The following UNC80 variants were observed in gnomAD, a reference collection of about 807,000 sequenced individuals.
UNC80 encodes the protein unc-80 subunit of NALCN channel complex.
A neutral mutation model predicts 384.6 loss-of-function variants in UNC80; 164 were observed. That is an observed-to-expected ratio of 0.43 (90% CI 0.38 to 0.49). The LOEUF (loss-of-function observed/expected upper bound fraction) is 0.49, where lower values mean the gene tolerates loss of function less well. UNC80 is among the 20% of genes least tolerant of loss of function. The pLI is 0.00. For synonymous variants in UNC80, 1,486 were observed against 1,527.8 expected (o/e 0.97, Z 0.64); for missense variants, 3,330 against 4,143.0 (o/e 0.80, Z 5.39).
rs1481246523 is a variant in UNC80 at position 209,937,765 on chromosome 2, A to G, written c.6465+135A>G. 7.7e-6 allele frequency: 5 copies of G among 649,328 alleles called. No individual in the cohort carries two copies. In the Admixed American group the frequency reaches 1.3e-4, roughly 16 times the overall value. 40.2% of individuals were successfully genotyped at this position (649,328 alleles called of 1,614,324 possible). A position where few individuals can be genotyped will look rare whatever the true frequency, so the allele number is the denominator to read the frequency against. ...GGAGACAGTAGTTGGCCCTCACTCA[A>G]CAAATTATTCCCCTAAATAGTGTAA... is the stretch of plus-strand genomic sequence containing the variant. On this transcript the variant is annotated intron_variant, in intron 42 of 64. Transcript: ENST00000673920.
intron 47 of UNC80, among the ~76,000 whole-genome samples, chr2:209,948,937 C>T (rs1161710089): frequency 1.3e-5 from 2 of 152,100 alleles, no homozygotes; most frequent in Non-Finnish European, 2.9e-5. Context: ...AAATGTTCCT[C>T]TCTATTTATA....
At chr2:209,945,243 A>G in intron 46 of UNC80, 54 bp downstream of exon 46, 5 of 1,519,926 alleles carry the variant, frequency 3.3e-6, no homozygotes, top group Non-Finnish European at 4.4e-6. Context: ...TGTTAAATAT[A>G]AATATATGTA....
Position 209,977,090 on chromosome 2 carries a change from T to C in UNC80, c.8938+12T>C, listed in dbSNP as rs1298756225. On this transcript the variant is annotated intron_variant, in intron 58 of 64. Transcript: ENST00000673920. ...TCATAGTGGATCAGGTGAGTGTGCA[T>C]GAGAGTGTTGTGAATTTGTTTGACT... 6.8e-7 allele frequency: 1 copy of C among 1,477,786 alleles called. No homozygotes were observed. Among genetic ancestry groups the C allele is most frequent in the Non-Finnish European group, 9.2e-7 (1 of 1,092,594 alleles). The allele number at this position is 1,477,786 out of a possible 1,614,324, so 91.5% of individuals were successfully genotyped here.
intron 7 of UNC80, among the ~76,000 whole-genome samples, chr2:209,802,662 A>G (rs1451431101): frequency 6.6e-6 from 1 of 151,910 alleles, no homozygotes; most frequent in Admixed American, 6.6e-5. Context: ...GTTTCTGTCT[A>G]TGGTTCTTGC....
Position 209,994,186 on chromosome 2 carries a change from A to G in UNC80, c.9630A>G (p.Pro3210=). The G allele has an allele frequency of 6.4e-7, 1 of 1,551,528 alleles. No individual in the cohort carries two copies. The highest frequency in any genetic ancestry group is 8.7e-7 in the Non-Finnish European group (1 of 1,146,950). ...QGCSPAPSRK[P]EAMDEPVLTS... is the part of the protein sequence containing the mutation. ...GTAGCCCAGCCCCTTCTAGGAAACCAGAAGCAATGGACGAACCAGTCCTCA... is the reference window on the plus strand; with the variant it reads ...GTAGCCCAGCCCCTTCTAGGAAACCGGAAGCAATGGACGAACCAGTCCTCA... Residue 3210 remains proline, a synonymous_variant, in exon 64 of 65, where the codon CCA becomes CCG. Coordinates refer to ENST00000673920, the MANE Select transcript of UNC80 (RefSeq NM_001371986.1).
chr2:209,902,434 C>T (rs2087518698), intron 28 of UNC80, among the ~76,000 whole-genome samples: 1 of 152,100 alleles, frequency 6.6e-6, no homozygotes, highest in South Asian at 2.1e-4. Flanking sequence ...GAGGGTTGAT[C>T]GCAATTTTGA....
rs774227146 is a variant in UNC80, at chr2:209,978,557, C to T, written c.8967C>T (p.Thr2989=). ...SAYQGKTSIS[T]VGTSTSAYRL... is the part of the protein sequence containing the mutation. ...ACCAAGGCAAGACATCCATCAGTAC[C>T]GTGGGCACCTCCACCTCTGCTTACC... The change falls in exon 59 of 65, where the codon ACC becomes ACT. Residue 2989 remains threonine, a synonymous_variant. Transcript: ENST00000673920. The T allele has an allele frequency of 4.4e-5, 68 of 1,550,734 alleles. No individual in the cohort carries two copies. Among genetic ancestry groups the T allele is most frequent in the East Asian group, 2.9e-4 (12 of 40,908 alleles).
chr2:209,909,731 G>T (rs920914083), intron 29 of UNC80, among the ~76,000 whole-genome samples: 1 of 152,084 alleles, frequency 6.6e-6, no homozygotes, highest in African/African-American at 2.4e-5. Flanking sequence ...TCAGGATGCC[G>T]AGAGGAGTCA....
At chr2:209,833,105 C>T (rs1451269825) in intron 16 of UNC80, among the ~76,000 whole-genome samples, 1 of 152,174 alleles carries the variant, frequency 6.6e-6, no homozygotes, top group Non-Finnish European at 1.5e-5. Flanking sequence ...CTGCTTCCCA[C>T]AGAACCCAAA....
chr2:209,793,698 C>A, intron 6 of UNC80, 22 bp from the exon 7 acceptor site: 2 of 1,610,934 alleles, frequency 1.2e-6, no homozygotes, highest in Non-Finnish European at 1.7e-6. Context: ...AAAACCTAAT[C>A]TGCTATCTCT....
intron 29 of UNC80, among the ~76,000 whole-genome samples, chr2:209,908,913 G>A (rs184999020): frequency 2.0e-5 from 3 of 152,192 alleles, no homozygotes; most frequent in African/African-American, 7.2e-5. Context: ...TCCCAGAAAC[G>A]AGGAAATCCC....
chr2:209,913,990 G>T (rs2089242460), intron 31 of UNC80, 50 bp downstream of exon 31: 1 of 1,487,490 alleles, frequency 6.7e-7, no homozygotes, highest in East Asian at 2.5e-5. Context: ...TGCTGTTACT[G>T]ATCCAAGTGT....
Position 209,819,054 on chromosome 2 carries a change from C to T in UNC80, c.1755C>T (p.Asn585=), listed in dbSNP as rs769254255. The change falls in exon 12 of 65, where the codon AAC becomes AAT. Residue 585 remains asparagine (N), a synonymous_variant. Coordinates refer to ENST00000673920, the MANE Select transcript of UNC80 (RefSeq NM_001371986.1). ...ATFNTTLASF[N]VGYADFFNEH... Reference sequence around the variant, plus strand: ...TCAATACCACTTTGGCGTCATTCAACGTAGGCTATGCAGACTTTTTCAATG... The same window carrying T: ...TCAATACCACTTTGGCGTCATTCAATGTAGGCTATGCAGACTTTTTCAATG... The T allele has an allele frequency of 5.8e-6, 9 of 1,551,778 alleles. No individual in the cohort carries two copies. The highest frequency in any genetic ancestry group is 4.1e-5 in the African/African-American group (3 of 73,038).
chr2:209,847,231 C>T (rs559728163), intron 21 of UNC80, among the ~76,000 whole-genome samples: 57 of 151,944 alleles, frequency 3.8e-4, no homozygotes, highest in African/African-American at 1.3e-3. Flanking sequence ...CCATACACCC[C>T]AAAAATACAT....
chr2:209,981,033 T>C (rs189559749), intron 59 of UNC80, among the ~76,000 whole-genome samples: 5 of 152,204 alleles, frequency 3.3e-5, no homozygotes, highest in African/African-American at 1.2e-4. Context: ...ATATAGCAAA[T>C]TAAAATTGCT....
chr2:209,938,399 G>T (rs2091388907), intron 42 of UNC80, among the ~76,000 whole-genome samples: 1 of 152,008 alleles, frequency 6.6e-6, no homozygotes, highest in Non-Finnish European at 1.5e-5. Flanking sequence ...ATAATAATTT[G>T]CCTTCAAAAT....
At chr2:209,805,674 A>C (rs2078847486) in intron 7 of UNC80, among the ~76,000 whole-genome samples, 1 of 152,244 alleles carries the variant, frequency 6.6e-6, no homozygotes, top group African/African-American at 2.4e-5. Context: ...CAAGAAAGAA[A>C]GGGAGCATCA....
intron 22 of UNC80, among the ~76,000 whole-genome samples, chr2:209,864,795 T>C (rs1199948687): frequency 2.0e-5 from 3 of 152,296 alleles, no homozygotes; most frequent in Admixed American, 2.0e-4. Flanking sequence ...TGTTAGGTCA[T>C]TGCGAGTCCC....
intron 28 of UNC80, among the ~76,000 whole-genome samples, chr2:209,903,753 A>G (rs777183317): frequency 1.3e-5 from 2 of 148,922 alleles, no homozygotes; most frequent in Non-Finnish European, 3.0e-5. Flanking sequence ...AAAACAATAC[A>G]CATTTATTAG....
Sources: allele counts gnomAD v4.1 joint callset (sites outside exome capture counted in the v4.1 genomes callset), GRCh38; gene constraint gnomAD v4.1.1; transcripts MANE v1.5; gene names NCBI Gene and HGNC (gene_info 2026-07-23, HGNC 2026-07-21).